Variants in LRRC4B observed in about 807,000 individuals in gnomAD.
LRRC4B encodes the protein leucine-rich repeat-containing protein 4B.
A neutral mutation model predicts 7.3 loss-of-function variants in LRRC4B; 1 was observed. The ratio of observed to expected loss-of-function variants is 0.14; its 90% CI spans 0.05 to 0.65. LRRC4B has a LOEUF of 0.65. Among genes scored for constraint, LRRC4B ranks in the 30% least tolerant of loss-of-function variants. LRRC4B has a pLI of 0.84. For synonymous variants in LRRC4B, 500 were observed against 499.2 expected (o/e 1.00, Z -0.02); for missense variants, 730 against 1,041.6 (o/e 0.70, Z 4.12).
chr19:50,552,142 G>A (rs868481279), intron 1 of LRRC4B, among the ~76,000 whole-genome samples: 6 of 152,140 alleles, frequency 3.9e-5, no homozygotes, highest in African/African-American at 9.6e-5. Flanking sequence ...AGACAGCCTC[G>A]TTGGCTGCAT....
intron 2 of LRRC4B, among the ~76,000 whole-genome samples, chr19:50,524,156 A>T (rs1468762805): frequency 6.6e-6 from 1 of 152,220 alleles, no homozygotes; most frequent in African/African-American, 2.4e-5. Context: ...GAAATGGTAG[A>T]ATCTGTGGCA....
chr19:50,552,059 G>T (rs190529206), intron 1 of LRRC4B, among the ~76,000 whole-genome samples: 1 of 152,124 alleles, frequency 6.6e-6, no homozygotes, highest in Non-Finnish European at 1.5e-5. Flanking sequence ...AAGCGGGGGA[G>T]GAAGGTTGCC....
rs750186464 is a variant in LRRC4B at position 50,519,320 on chromosome 19, G to A, written c.393C>T (p.Asn131=). ...LVRKIEVGAF[N]GLPSLNTLEL... ...CCAGCGTGTTGAGGCTGGGCAGCCC[G>A]TTGAAGGCGCCCACCTCGATCTTGC... Residue 131 remains asparagine, a synonymous_variant, in exon 3 of 3, where the codon AAC becomes AAT. Transcript: ENST00000652263. This position sits in a 1 kb window ranked among gnomAD's most constrained non-coding sequence, Gnocchi z 8.1. The A allele has an allele frequency of 9.9e-6, 16 of 1,613,348 alleles. No homozygotes were observed. The highest frequency in any genetic ancestry group is 6.7e-5 in the East Asian group (3 of 44,882).
intron 2 of LRRC4B, among the ~76,000 whole-genome samples, chr19:50,544,998 G>C (rs1253760315): frequency 1.3e-5 from 2 of 152,018 alleles, no homozygotes; most frequent in Non-Finnish European, 2.9e-5. Context: ...TGTAATCCCA[G>C]CTACTCAGGA....
intron 2 of LRRC4B, among the ~76,000 whole-genome samples, chr19:50,536,001 G>A (rs2122845911): frequency 6.6e-6 from 1 of 152,356 alleles, no homozygotes; most frequent in Admixed American, 6.5e-5. Context: ...TGGGGTGGGA[G>A]AGTGGGGTTA....
rs1438712534 is a variant in LRRC4B, at chr19:50,568,418, A to G, written c.-510T>C. ...GACCGAGAGCAGCCGAGAGCGGCGGAGACGGGAGCGGAATACTGATGATGG... is the reference window on the plus strand; with the variant it reads ...GACCGAGAGCAGCCGAGAGCGGCGGGGACGGGAGCGGAATACTGATGATGG... On this transcript the variant is annotated 5_prime_UTR_variant, in exon 1 of 3. Coordinates refer to ENST00000652263, the MANE Select transcript of LRRC4B (RefSeq NM_001080457.2). Among the ~76,000 whole-genome samples the G allele has an allele frequency of 7.9e-6, 1 of 126,796 alleles. No homozygotes were observed. Among genetic ancestry groups the G allele is most frequent in the East Asian group, 2.5e-4 (1 of 3,968 alleles). The allele number at this position is 126,796 out of a possible 152,430, so 83.2% of individuals were successfully genotyped here. A position where few individuals can be genotyped will look rare whatever the true frequency, so the allele number is the denominator to read the frequency against.
chr19:50,529,643 G>A (rs1980963684), intron 2 of LRRC4B, among the ~76,000 whole-genome samples: 1 of 151,916 alleles, frequency 6.6e-6, no homozygotes, highest in African/African-American at 2.4e-5. Context: ...CGTCTCTACT[G>A]AAAACACAAA....
rs768692622 is a variant in LRRC4B, at chr19:50,548,775, C to T, written c.64G>A (p.Gly22Arg). 3.6e-5 allele frequency: 55 copies of T among 1,531,260 alleles called. No individual in the cohort carries two copies. Among genetic ancestry groups the T allele is most frequent in the South Asian group, 8.5e-5 (7 of 82,708 alleles). The allele number at this position is 1,531,260 out of a possible 1,614,324, so 94.9% of individuals were successfully genotyped here. Residue 22 changes from glycine to arginine, a missense_variant, in exon 2 of 3, where the codon GGG (glycine) becomes AGG (arginine). Gly to Arg is a moderately radical substitution (Grantham distance 125). This residue lies in a region of LRRC4B where 143 missense variants were observed against 158.4 expected (regional missense o/e 0.90). Coordinates refer to ENST00000652263, the MANE Select transcript of LRRC4B (RefSeq NM_001080457.2). The surrounding 1 kb of genome is among the most constrained non-coding windows in gnomAD (Gnocchi z 6.8). ...LPPGRMSWPH[G>R]ALLFLWLFSP... Reference sequence around the variant, plus strand: ...AAGAGCCAGAGGAAGAGCAATGCCCCGTGGGGCCAGGACATCCTACCGGGC... The same window carrying T: ...AAGAGCCAGAGGAAGAGCAATGCCCTGTGGGGCCAGGACATCCTACCGGGC...
intron 2 of LRRC4B, among the ~76,000 whole-genome samples, chr19:50,541,315 A>T (rs1279815773): frequency 6.7e-6 from 1 of 150,368 alleles, no homozygotes; most frequent in Non-Finnish European, 1.5e-5. Context: ...CAGTGAGCCA[A>T]GATTGCACCA....
At chr19:50,551,723 C>A (rs922512890) in intron 1 of LRRC4B, among the ~76,000 whole-genome samples, 1 of 151,172 alleles carries the variant, frequency 6.6e-6, no homozygotes, top group African/African-American at 2.4e-5. Context: ...CGGCCCTGAG[C>A]CCGTCTCAGT....
chr19:50,540,420 T>G (rs1981488359), intron 2 of LRRC4B, among the ~76,000 whole-genome samples: 1 of 152,174 alleles, frequency 6.6e-6, no homozygotes, highest in Admixed American at 6.5e-5. Context: ...TGGAGTGCAG[T>G]GGCACGATCT....
In LRRC4B at chr19:50,548,435, G is replaced by C; in HGVS notation, c.297+107C>G. On this transcript the variant is annotated intron_variant, in intron 2 of 2. Transcript: ENST00000652263. The surrounding 1 kb of genome is among the most constrained non-coding windows in gnomAD (Gnocchi z 6.8). Reference sequence around the variant, plus strand: ...CCGCAGGCCACATCCACAGGTGCCGGAGACGGGGAAGCCCCGGTGTGGGGA... The same window carrying C: ...CCGCAGGCCACATCCACAGGTGCCGCAGACGGGGAAGCCCCGGTGTGGGGA... The C allele has an allele frequency of 6.9e-7, 1 of 1,439,764 alleles. No homozygotes were observed. Among genetic ancestry groups the C allele is most frequent in the Non-Finnish European group, 9.4e-7 (1 of 1,069,178 alleles). 89.2% of individuals were successfully genotyped at this position (1,439,764 alleles called of 1,614,324 possible).
chr19:50,553,278 A>C lies in LRRC4B; in HGVS notation c.-35-4405T>G. The stretch of plus-strand genomic sequence containing the variant: ...ACGGGCAGCGAGGGGTATCCTGTCA[A>C]CACCCCATGGACCCTGCCCCGCCTC... On this transcript the variant is annotated intron_variant, in intron 1 of 2. Transcript: ENST00000652263. The surrounding 1 kb of genome is among the most constrained non-coding windows in gnomAD (Gnocchi z 4.2). Among the ~76,000 whole-genome samples the C allele has an allele frequency of 6.6e-6, 1 of 151,564 alleles. No homozygotes were observed. The highest frequency in any genetic ancestry group is 2.4e-5 in the African/African-American group (1 of 41,214).
At position 50,518,271 on chromosome 19, in the gene LRRC4B, C is replaced by G. The variant is rs760253582; in HGVS notation, c.1442G>C (p.Ser481Thr). Residue 481 changes from serine to threonine, a missense_variant, in exon 3 of 3, where the codon AGT becomes ACT. By Grantham distance (58) the Ser-to-Thr change is moderately conservative (BLOSUM62 1). Coordinates refer to ENST00000652263, the MANE Select transcript of LRRC4B (RefSeq NM_001080457.2). Reference protein sequence around the residue: ...PGGSGGVGGGSGGYTYFTTVT... With the variant: ...PGGSGGVGGGTGGYTYFTTVT... The stretch of plus-strand genomic sequence containing the variant: ...CGTGGTGAAGTAGGTGTAGCCGCCA[C>G]TGCCCCCTCCAACACCACCACTGCC... 3 of 1,600,272 alleles carry G rather than the reference C, an allele frequency of 1.9e-6. No homozygotes were observed. In the Middle Eastern group the frequency reaches 5.0e-4, roughly 265 times the overall value.
chr19:50,543,097 G>A (rs991602445), intron 2 of LRRC4B, among the ~76,000 whole-genome samples: 37 of 152,158 alleles, frequency 2.4e-4, no homozygotes, highest in African/African-American at 8.7e-4. Flanking sequence ...CCAAGGATCC[G>A]GGCAGGAGTT....
intron 1 of LRRC4B, among the ~76,000 whole-genome samples, chr19:50,566,369 G>A (rs971092385): frequency 6.6e-6 from 1 of 151,914 alleles, no homozygotes; most frequent in Admixed American, 6.5e-5. Context: ...GCTGGAGAGG[G>A]GGGCGGGGAG....
At chr19:50,547,324 C>A (rs1216493499) in intron 2 of LRRC4B, among the ~76,000 whole-genome samples, 1 of 118,850 alleles carries the variant, frequency 8.4e-6, no homozygotes, top group Non-Finnish European at 1.8e-5. Flanking sequence ...AGGGACTGCT[C>A]CCCTGAGAGG....
chr19:50,532,561 C>T (rs921914622), intron 2 of LRRC4B, among the ~76,000 whole-genome samples: 1 of 152,236 alleles, frequency 6.6e-6, no homozygotes, highest in Non-Finnish European at 1.5e-5. Context: ...CTATACTGTC[C>T]TCCTCCTTGT....
At chr19:50,534,883 T>A (rs1981195959) in intron 2 of LRRC4B, among the ~76,000 whole-genome samples, 1 of 152,160 alleles carries the variant, frequency 6.6e-6, no homozygotes, top group African/African-American at 2.4e-5. Flanking sequence ...TTATATTTAT[T>A]TATTTATTTG....
Sources: allele counts gnomAD v4.1 joint callset (sites outside exome capture counted in the v4.1 genomes callset), GRCh38; gene constraint gnomAD v4.1.1; regional missense constraint gnomAD v4.1.1; non-coding constraint Gnocchi (gnomAD v3.1); transcripts MANE v1.5; gene names NCBI Gene and HGNC (gene_info 2026-07-23, HGNC 2026-07-21).